The following RGS6 variants were observed in gnomAD, a reference collection of about 807,000 sequenced individuals.
RGS6 encodes regulator of G-protein signaling 6.
Under a neutral mutation model 78.5 loss-of-function variants are expected in RGS6, and 30 were observed. The ratio of observed to expected loss-of-function variants is 0.38; its 90% CI spans 0.29 to 0.52. The LOEUF (loss-of-function observed/expected upper bound fraction) is 0.52, where lower values mean the gene tolerates loss of function less well. RGS6 is among the 20% of genes least tolerant of loss of function. RGS6 has a pLI of 0.85. For missense variants in RGS6, 495 were observed against 609.7 expected (o/e 0.81, Z 1.98); for synonymous variants, 206 against 206.0 (o/e 1.00, Z 0.00).
intron 6 of RGS6, among the ~76,000 whole-genome samples, chr14:72,460,700 C>G (rs1275856186): frequency 6.6e-6 from 1 of 152,084 alleles, no homozygotes; most frequent in African/African-American, 2.4e-5. Context: ...CTGTGGCTCT[C>G]CTTGGGACTG....
intron 2 of RGS6, among the ~76,000 whole-genome samples, chr14:72,088,138 G>C (rs1567178909): frequency 6.6e-6 from 1 of 152,186 alleles, no homozygotes; most frequent in Non-Finnish European, 1.5e-5. Context: ...AATACATGCA[G>C]CCCCAGTCCT....
intron 3 of RGS6, among the ~76,000 whole-genome samples, chr14:72,422,581 T>C (rs1415382979): frequency 1.3e-5 from 2 of 152,158 alleles, no homozygotes; most frequent in Non-Finnish European, 2.9e-5. Flanking sequence ...CCCAAGAGAC[T>C]GGGAGAGCCC....
intron 2 of RGS6, among the ~76,000 whole-genome samples, chr14:72,047,892 ATTTTTGTTTTTTT>A (rs1327399603): frequency 1.7e-4 from 14 of 83,470 alleles, no homozygotes; most frequent in African/African-American, 5.8e-4. Context: ...TGCCCAGCTA[ATTTTTGTTTTTTT>A]TTTTTTTTTT....
At chr14:72,035,090 C>G (rs550025627) in intron 2 of RGS6, among the ~76,000 whole-genome samples, 17 of 152,196 alleles carry the variant, frequency 1.1e-4, no homozygotes, top group African/African-American at 4.1e-4. Flanking sequence ...TAGGAAAATA[C>G]ATGGCATATA....
intron 2 of RGS6, among the ~76,000 whole-genome samples, chr14:72,085,853 CAAAAAAAA>C (rs35951230): frequency 5.5e-5 from 4 of 72,752 alleles, no homozygotes; most frequent in Non-Finnish European, 9.5e-5. Context: ...GACACCATCT[CAAAAAAAA>C]AAAAAAAAAA....
At chr14:71,968,055 G>A (rs1335163227) in intron 2 of RGS6, among the ~76,000 whole-genome samples, 2 of 152,062 alleles carry the variant, frequency 1.3e-5, no homozygotes, top group Non-Finnish European at 2.9e-5. Context: ...TATGAAAAAT[G>A]TATTGGTCAC....
At chr14:71,983,816 T>C (rs10150071) in intron 2 of RGS6, among the ~76,000 whole-genome samples, 98,242 of 152,156 alleles carry the variant, frequency 0.65, 32,007 homozygotes, top group East Asian at 0.76. Flanking sequence ...AGTCCCAGGG[T>C]TTAGGACTAC....
chr14:72,143,937 T>C (rs965044039), intron 2 of RGS6, among the ~76,000 whole-genome samples: 1 of 152,182 alleles, frequency 6.6e-6, no homozygotes, highest in Non-Finnish European at 1.5e-5. Context: ...GTAAGAGATA[T>C]GTCAGTCACA....
chr14:72,226,234 A>C (rs975726602), intron 2 of RGS6, among the ~76,000 whole-genome samples: 8 of 152,244 alleles, frequency 5.3e-5, no homozygotes, highest in African/African-American at 1.9e-4. Context: ...TTAATTAGAC[A>C]TTTAGCAGTT....
intron 2 of RGS6, among the ~76,000 whole-genome samples, chr14:71,999,420 A>G (rs1245185003): frequency 6.6e-6 from 1 of 152,268 alleles, no homozygotes; most frequent in African/African-American, 2.4e-5. Flanking sequence ...TGACAGGAGA[A>G]ATCAGAAGTA....
At chr14:71,943,540 C>T (rs1201392060) in intron 1 of RGS6, among the ~76,000 whole-genome samples, 2 of 152,140 alleles carry the variant, frequency 1.3e-5, no homozygotes, top group Non-Finnish European at 1.5e-5. Flanking sequence ...ATAGTTCTCA[C>T]ATTGGGATTT....
Position 72,352,088 on chromosome 14 carries a change from C to T in RGS6, c.85-7C>T. 6.2e-7 allele frequency: 1 copy of T among 1,604,860 alleles called. No individual in the cohort carries two copies. The highest frequency in any genetic ancestry group is 8.5e-7 in the Non-Finnish European group (1 of 1,173,874). Reference sequence around the variant, plus strand: ...AAATAACACTTCTTTTCTTTAACCTCTTTCAGATTGAAGACATCATTACAA... The same window carrying T: ...AAATAACACTTCTTTTCTTTAACCTTTTTCAGATTGAAGACATCATTACAA... On this transcript the variant is annotated splice_region_variant and splice_polypyrimidine_tract_variant and intron_variant, in intron 2 of 17. Transcript: ENST00000553525.
At chr14:72,192,586 C>T (rs753465210) in intron 2 of RGS6, among the ~76,000 whole-genome samples, 2 of 152,224 alleles carry the variant, frequency 1.3e-5, no homozygotes, top group Non-Finnish European at 1.5e-5. Flanking sequence ...TTAACATTAA[C>T]GCCTTGCCAA....
At chr14:72,064,503 T>C (rs2094042348) in intron 2 of RGS6, among the ~76,000 whole-genome samples, 1 of 152,246 alleles carries the variant, frequency 6.6e-6, no homozygotes, top group East Asian at 1.9e-4. Context: ...TTCACACTGA[T>C]ATTCTTGGGT....
At chr14:72,603,541 T>C in the RGS6 span, among the ~76,000 whole-genome samples, 1 of 152,254 alleles carries the variant, frequency 6.6e-6, no homozygotes, top group African/African-American at 2.4e-5. Context: ...GATCCCTGTA[T>C]TCATCCACCC....
At chr14:72,092,840 A>C (rs946387796) in intron 2 of RGS6, among the ~76,000 whole-genome samples, 1 of 152,226 alleles carries the variant, frequency 6.6e-6, no homozygotes, top group Non-Finnish European at 1.5e-5. Flanking sequence ...GGTTACAATG[A>C]ACAAACCAAT....
chr14:72,294,493 G>A (rs1595434825), intron 2 of RGS6, among the ~76,000 whole-genome samples: 1 of 152,168 alleles, frequency 6.6e-6, no homozygotes, highest in African/African-American at 2.4e-5. Context: ...ATGTGATTTA[G>A]GCCACTGTAT....
chr14:71,941,569 A>G lies in RGS6; in HGVS notation c.-21+8628A>G, dbSNP rs1314104911. ...GCTATCTGTAAGCTGAGGAGCAAGG[A>G]CAGCCAGTCCAAGTCCCAAAACTGA... On this transcript the variant is annotated intron_variant, in intron 1 of 17. Transcript: ENST00000553525. 2.6e-5 allele frequency among the ~76,000 whole-genome samples: 4 copies of G among 152,350 alleles called. No homozygotes were observed. In the East Asian group the frequency reaches 7.7e-4, roughly 29 times the overall value.
chr14:72,156,138 A>G (rs1478532964), intron 2 of RGS6, among the ~76,000 whole-genome samples: 1 of 152,174 alleles, frequency 6.6e-6, no homozygotes, highest in Non-Finnish European at 1.5e-5. Flanking sequence ...GCTGGTCAGC[A>G]AGGAGTATGG....
Sources: allele counts gnomAD v4.1 joint callset (sites outside exome capture counted in the v4.1 genomes callset), GRCh38; gene constraint gnomAD v4.1.1; transcripts MANE v1.5; gene names NCBI Gene and HGNC (gene_info 2026-07-23, HGNC 2026-07-21).